Variants in CEP55 observed in about 807,000 individuals in gnomAD.
CEP55 encodes centrosomal protein 55, also known as centrosomal protein of 55 kDa.
A neutral mutation model predicts 63.2 loss-of-function variants in CEP55; 57 were observed. The ratio of observed to expected loss-of-function variants is 0.90; its 90% CI spans 0.73 to 1.13. The LOEUF (loss-of-function observed/expected upper bound fraction) is 1.13. CEP55 is among the 50% of genes most tolerant of loss of function. The pLI, the probability that CEP55 is intolerant of heterozygous loss-of-function variation, is 0.00. For synonymous variants in CEP55, 178 were observed against 191.6 expected, an observed-to-expected ratio of 0.93 and a Z score of 0.59; for missense variants, 456 against 518.9, an observed-to-expected ratio of 0.88 and a Z score of 1.18.
intron 3 of CEP55, among the ~76,000 whole-genome samples, chr10:93,506,717 G>T (rs2057692552): frequency 6.6e-6 from 1 of 152,148 alleles, no homozygotes. Flanking sequence ...ATAGGCACAG[G>T]CCACCAGGCT....
intron 5 of CEP55, among the ~76,000 whole-genome samples, chr10:93,516,235 G>A (rs2057802123): frequency 6.6e-6 from 1 of 152,176 alleles, no homozygotes; most frequent in South Asian, 2.1e-4. Context: ...GAATTTTATA[G>A]AGAAGTCTAA....
At chr10:93,517,325 G>T (rs1310890376) in intron 6 of CEP55, 77 bp downstream of exon 6, 1 of 1,213,636 alleles carries the variant, frequency 8.2e-7, no homozygotes, top group Admixed American at 2.4e-5. Context: ...GACCACTAGA[G>T]AACTGGCTAG....
rs373431548 is a variant in CEP55 at position 93,519,872 on chromosome 10, G to A, written c.1191+65G>A. 9.3e-5 allele frequency: 145 copies of A among 1,560,614 alleles called. 1 individual carries two copies. The highest frequency in any genetic ancestry group is 4.6e-4 in the South Asian group (41 of 89,790). On this transcript the variant is annotated intron_variant, in intron 8 of 8. Transcript: ENST00000371485. The stretch of plus-strand genomic sequence containing the variant: ...TCCATTTATATACCAAATCAGTTCC[G>A]AACTTAGGAGGATACAGCTTAACAC...
At chr10:93,515,793 T>C (rs1005965263) in intron 5 of CEP55, among the ~76,000 whole-genome samples, 1 of 152,174 alleles carries the variant, frequency 6.6e-6, no homozygotes, top group Admixed American at 6.6e-5. Context: ...TCACATTCAG[T>C]TCTCTCTACC....
At chr10:93,507,231 T>C in intron 4 of CEP55, among the ~76,000 whole-genome samples, 175 bp downstream of exon 4, 1 of 151,498 alleles carries the variant, frequency 6.6e-6, no homozygotes, top group Non-Finnish European at 1.5e-5. Flanking sequence ...GTCCCTTTTT[T>C]TTTTTTTTTT....
rs1440672984 is a variant in CEP55, at chr10:93,528,013, A to G, written c.1255A>G (p.Arg419Gly). ...CACTTTCCAAGGAGAGACTGAAAAC[A>G]GAGAAAAAGTTGCCGCCTCACCAAA... is the stretch of plus-strand genomic sequence containing the variant. ...LVTFQGETEN[R>G]EKVAASPKSP... The change falls in exon 9 of 9, where the codon AGA (arginine) becomes GGA (glycine). Residue 419 changes from arginine to glycine, a missense_variant. Transcript: ENST00000371485. 6.2e-7 allele frequency: 1 copy of G among 1,614,124 alleles called. No individual in the cohort carries two copies.
chr10:93,511,284 T>C (rs1055775566), intron 4 of CEP55, among the ~76,000 whole-genome samples: 1 of 152,096 alleles, frequency 6.6e-6, no homozygotes, highest in African/African-American at 2.4e-5. Context: ...ACATTTTTAT[T>C]GGTAACTTGG....
chr10:93,506,661 G>A (rs866263718), intron 3 of CEP55, among the ~76,000 whole-genome samples: 9 of 152,030 alleles, frequency 5.9e-5, no homozygotes, highest in African/African-American at 2.2e-4. Context: ...TCCACCTCCC[G>A]GGTTCAAGTG....
At position 93,500,023 on chromosome 10, in the gene CEP55, G is replaced by C; in HGVS notation, c.-12-17G>C. ...TTTTTAAACTCAGAATTATACAGTT[G>C]ATTTTTATTTTTACAGACCATTTCA... is the stretch of plus-strand genomic sequence containing the variant. On this transcript the variant is annotated splice_polypyrimidine_tract_variant and intron_variant, in intron 1 of 8. Transcript: ENST00000371485. 2.0e-6 allele frequency: 3 copies of C among 1,531,822 alleles called. No homozygotes were observed. The highest frequency in any genetic ancestry group is 2.7e-6 in the Non-Finnish European group (3 of 1,125,590). The allele number at this position is 1,531,822 out of a possible 1,614,324, so 94.9% of individuals were successfully genotyped here.
rs146035140 is a variant in CEP55, at chr10:93,521,331, C to T, written c.1191+1524C>T. ...CCTGGCTTGGAGGGTCCTACACCTA[C>T]GGAGCCTTGCTCATTGCTACCACAG... On this transcript the variant is annotated intron_variant, in intron 8 of 8. Coordinates refer to ENST00000371485, the MANE Select transcript of CEP55 (RefSeq NM_018131.5). 8.9e-3 allele frequency among the ~76,000 whole-genome samples: 1,353 copies of T among 152,250 alleles called. 7 individuals carry two copies. The highest frequency in any genetic ancestry group is 0.017 in the Middle Eastern group (5 of 294).
intron 8 of CEP55, chr10:93,520,426 CAA>C (rs10693521): frequency 5.3e-5 from 6 of 113,582 alleles, no homozygotes; most frequent in Non-Finnish European, 6.8e-5. Context: ...GACTCTGTCT[CAA>C]AAAAAAAAAA....
chr10:93,527,717 C>CA (rs111942552), intron 8 of CEP55, among the ~76,000 whole-genome samples: 19,229 of 151,686 alleles, frequency 0.13, 1,371 homozygotes, highest in Middle Eastern at 0.18. Flanking sequence ...TCTATTTCTA[C>CA]AAAAAATAGA....
chr10:93,511,014 C>T (rs2057742489), intron 4 of CEP55, among the ~76,000 whole-genome samples: 1 of 150,490 alleles, frequency 6.6e-6, no homozygotes, highest in Admixed American at 6.7e-5. Context: ...TCTCAGCTCA[C>T]TGCAACCTCT....
intron 3 of CEP55, 51 bp from the exon 4 acceptor site, chr10:93,506,937 C>A: frequency 8.7e-7 from 1 of 1,153,818 alleles, no homozygotes; most frequent in Non-Finnish European, 1.3e-6. Context: ...TGTAATGAGG[C>A]AACTTCTATT....
chr10:93,513,721 C>T (rs932867902), intron 4 of CEP55, among the ~76,000 whole-genome samples: 3 of 152,100 alleles, frequency 2.0e-5, no homozygotes, highest in Non-Finnish European at 4.4e-5. Flanking sequence ...ATAGGTTCTT[C>T]GAAGTTCAGA....
chr10:93,518,785 A>G (rs1410769253), intron 6 of CEP55, 92 bp from the exon 7 acceptor site: 1 of 794,274 alleles, frequency 1.3e-6, no homozygotes, highest in Admixed American at 2.2e-5. Flanking sequence ...CTGGTTAGAG[A>G]TGTGAGACTT....
At chr10:93,522,344 A>C (rs1055088466) in intron 8 of CEP55, among the ~76,000 whole-genome samples, 3 of 152,256 alleles carry the variant, frequency 2.0e-5, no homozygotes, top group African/African-American at 7.2e-5. Flanking sequence ...TCAATGATGG[A>C]AGATCAAATG....
chr10:93,510,685 A>G (rs1338274990), intron 4 of CEP55: 2 of 152,190 alleles, frequency 1.3e-5, no homozygotes, highest in Non-Finnish European at 2.9e-5. Flanking sequence ...GTAGACTTCA[A>G]TGTGTATTTC....
intron 4 of CEP55, among the ~76,000 whole-genome samples, chr10:93,514,619 G>A (rs191609644): frequency 1.1e-4 from 17 of 152,238 alleles, no homozygotes; most frequent in African/African-American, 2.4e-4. Flanking sequence ...CAGAGTCCTC[G>A]TTGGGCAGCA....
Sources: gnomAD v4.1 joint callset for allele counts (sites outside exome capture counted in the v4.1 genomes callset) on GRCh38, gnomAD v4.1.1 for gene constraint, MANE v1.5 for transcripts, NCBI Gene and HGNC (gene_info 2026-07-23, HGNC 2026-07-21) for gene names.